CFAP54: variants seen among roughly 807,000 people sequenced by gnomAD.
CFAP54 encodes cilia- and flagella-associated protein 54.
CFAP54 carries 290 observed loss-of-function variants against 370.4 expected under a neutral mutation model. That is an observed-to-expected ratio of 0.78 (90% CI 0.71 to 0.86). CFAP54 has a LOEUF of 0.86. CFAP54 is among the 40% of genes least tolerant of loss of function. CFAP54 has a pLI of 0.00. For synonymous variants in CFAP54, 1,206 were observed against 1,236.5 expected (o/e 0.98, Z 0.52); for missense variants, 3,399 against 3,528.7 (o/e 0.96, Z 0.93).
rs1401195322 is a variant in CFAP54 at position 96,533,824 on chromosome 12, T to G, written c.1390T>G (p.Phe464Val). Residue 464 changes from phenylalanine to valine, a missense_variant, in exon 10 of 68, where the codon TTT (phenylalanine) becomes GTT (valine). Around this residue, in one of 3 missense-constraint regions of CFAP54, gnomAD observed 559 missense variants for 576.7 expected, o/e 0.97. Coordinates refer to ENST00000524981, the MANE Select transcript of CFAP54 (RefSeq NM_001306084.2). ...TATTGGTGCAGATGGAATGCTTGAT[T>G]TTCCAAAAACATCTCTTCTGGAACT... ...SNIGADGMLD[F>V]PKTSLLELMI... 6 of 1,529,244 alleles carry G rather than the reference T, an allele frequency of 3.9e-6. 1 individual carries two copies. In the South Asian group the frequency reaches 7.4e-5, roughly 19 times the overall value. 94.7% of individuals were successfully genotyped at this position (1,529,244 alleles called of 1,614,324 possible). A position where few individuals can be genotyped will look rare whatever the true frequency, so the allele number is the denominator to read the frequency against.
chr12:96,519,027 G>A lies in CFAP54; in HGVS notation c.898G>A (p.Val300Ile). ...ATGGCGCGCTACTCTCTACACAGCT[G>A]TTTGCCAGTGCTGCTATGACTGCCA... ...LTWRATLYTA[V>I]CQCCYDCHAG... The change falls in exon 6 of 68, where the codon GTT (valine) becomes ATT (isoleucine). Residue 300 changes from valine (V) to isoleucine (I), a missense_variant. Transcript: ENST00000524981. 1.3e-6 allele frequency: 2 copies of A among 1,535,656 alleles called. No individual in the cohort carries two copies. The highest frequency in any genetic ancestry group is 8.7e-7 in the Non-Finnish European group (1 of 1,146,746).
At chr12:96,852,043 A>C (rs1035332496) in intron 66 of CFAP54, among the ~76,000 whole-genome samples, 11 of 152,148 alleles carry the variant, frequency 7.2e-5, no homozygotes, top group African/African-American at 2.7e-4. Flanking sequence ...CTGGAAATAT[A>C]AATTTTGTTT....
chr12:96,850,485 A>C (rs1959510304), intron 66 of CFAP54, among the ~76,000 whole-genome samples: 1 of 152,080 alleles, frequency 6.6e-6, no homozygotes, highest in Non-Finnish European at 1.5e-5. Flanking sequence ...CTCAGAGCAT[A>C]GTTGTCAGGT....
At chr12:96,847,586 A>G (rs1959396398) in intron 66 of CFAP54, among the ~76,000 whole-genome samples, 1 of 152,210 alleles carries the variant, frequency 6.6e-6, no homozygotes, top group Non-Finnish European at 1.5e-5. Context: ...ACAACTCTAA[A>G]CAATAAACAT....
At chr12:96,708,199 G>A (rs900471782) in intron 47 of CFAP54, among the ~76,000 whole-genome samples, 1 of 152,074 alleles carries the variant, frequency 6.6e-6, no homozygotes, top group Non-Finnish European at 1.5e-5. Context: ...AGCTGGGTAG[G>A]GAGATTGCTT....
chr12:96,556,528 T>C (rs1374269279), intron 17 of CFAP54, among the ~76,000 whole-genome samples: 2 of 152,122 alleles, frequency 1.3e-5, no homozygotes, highest in East Asian at 1.9e-4. Context: ...AACACAAATA[T>C]GTTATCTTAC....
chr12:96,580,916 A>G lies in CFAP54; in HGVS notation c.2890-4A>G. 2 of 1,482,686 alleles carry G rather than the reference A, an allele frequency of 1.3e-6. No individual in the cohort carries two copies. Among genetic ancestry groups the G allele is most frequent in the South Asian group, 2.7e-5 (2 of 75,114 alleles). 91.8% of individuals were successfully genotyped at this position (1,482,686 alleles called of 1,614,324 possible). ...TATAACTTGAAATATATTTTTCTTA[A>G]TAGATACCAGCTGACGGTAAAAGTG... On this transcript the variant is annotated splice_region_variant and splice_polypyrimidine_tract_variant and intron_variant, in intron 21 of 67. Transcript: ENST00000524981.
chr12:96,537,774 A>G (rs1424914750), intron 12 of CFAP54, among the ~76,000 whole-genome samples: 4 of 152,096 alleles, frequency 2.6e-5, no homozygotes, highest in East Asian at 1.9e-4. Flanking sequence ...GAGGCGGAAG[A>G]GCATAGAGCA....
At chr12:96,852,524 T>G (rs956845629) in intron 66 of CFAP54, among the ~76,000 whole-genome samples, 2 of 152,062 alleles carry the variant, frequency 1.3e-5, no homozygotes, top group African/African-American at 4.8e-5. Flanking sequence ...AATTCCAAAT[T>G]GATTGTGGCA....
At chr12:96,836,893 T>C (rs1959187847) in intron 66 of CFAP54, among the ~76,000 whole-genome samples, 1 of 152,230 alleles carries the variant, frequency 6.6e-6, no homozygotes, top group Non-Finnish European at 1.5e-5. Context: ...AGTGGTGTGA[T>C]TATAGCTCCC....
chr12:96,598,280 A>G (rs1035796434), intron 25 of CFAP54, among the ~76,000 whole-genome samples: 5 of 152,058 alleles, frequency 3.3e-5, no homozygotes, highest in Non-Finnish European at 5.9e-5. Flanking sequence ...ATGCCATATA[A>G]GCTTCCATTT....
intron 65 of CFAP54, among the ~76,000 whole-genome samples, chr12:96,824,837 T>A (rs1304359756): frequency 6.6e-6 from 1 of 152,110 alleles, no homozygotes; most frequent in Non-Finnish European, 1.5e-5. Context: ...CATTATTCCC[T>A]CAGTCCAGTC....
At chr12:96,768,481 G>C (rs1037916184) in intron 60 of CFAP54, among the ~76,000 whole-genome samples, 2 of 151,570 alleles carry the variant, frequency 1.3e-5, no homozygotes. Context: ...GGCAAAACCC[G>C]ATCTCTACTA....
Position 96,658,202 on chromosome 12 carries a change from C to G in CFAP54, c.5325-9C>G. On this transcript the variant is annotated splice_polypyrimidine_tract_variant and intron_variant, in intron 37 of 67. Coordinates refer to ENST00000524981, the MANE Select transcript of CFAP54 (RefSeq NM_001306084.2). ...TTTTCTTTTTAATGTATTCTTTACCCCTGTCTAGTGAGAGGTATACAGAAC... is the reference window on the plus strand; with the variant it reads ...TTTTCTTTTTAATGTATTCTTTACCGCTGTCTAGTGAGAGGTATACAGAAC... The G allele has an allele frequency of 6.2e-7, 1 of 1,609,550 alleles. No individual in the cohort carries two copies. The highest frequency in any genetic ancestry group is 8.5e-7 in the Non-Finnish European group (1 of 1,178,708).
intron 67 of CFAP54, among the ~76,000 whole-genome samples, chr12:96,869,723 G>T (rs1268466018): frequency 1.3e-5 from 2 of 151,590 alleles, no homozygotes; most frequent in Admixed American, 1.3e-4. Flanking sequence ...ATCACCTGAG[G>T]TCGGGAGTTG....
intron 64 of CFAP54, 114 bp downstream of exon 64, chr12:96,811,956 A>G (rs1958933083): frequency 1.7e-6 from 1 of 580,414 alleles, no homozygotes; most frequent in Non-Finnish European, 2.9e-6. Flanking sequence ...GCACTTCGCG[A>G]AGAATCTTCC....
At chr12:96,613,943 A>T (rs1253720462) in intron 26 of CFAP54, among the ~76,000 whole-genome samples, 2 of 151,024 alleles carry the variant, frequency 1.3e-5, no homozygotes, top group Non-Finnish European at 3.0e-5. Context: ...TACAAGGAGG[A>T]GCGGGTACCA....
chr12:96,795,037 A>C (rs1315111211), intron 63 of CFAP54, among the ~76,000 whole-genome samples: 1 of 152,154 alleles, frequency 6.6e-6, no homozygotes, highest in African/African-American at 2.4e-5. Context: ...CATCGAAGCT[A>C]CCGGGCTCTG....
At chr12:96,752,378 G>A (rs4144984) in intron 55 of CFAP54, among the ~76,000 whole-genome samples, 54,923 of 151,824 alleles carry the variant, frequency 0.36, 10,802 homozygotes, top group East Asian at 0.58. Flanking sequence ...TTCAGAGGAC[G>A]CTCAAGGCTT....
Sources: allele counts gnomAD v4.1 joint callset (sites outside exome capture counted in the v4.1 genomes callset), GRCh38; gene constraint gnomAD v4.1.1; regional missense constraint gnomAD v4.1.1; transcripts MANE v1.5; gene names NCBI Gene and HGNC (gene_info 2026-07-23, HGNC 2026-07-21).